PRMT2: variants seen among roughly 807,000 people sequenced by gnomAD.
PRMT2 encodes protein arginine methyltransferase 2, also known as protein arginine N-methyltransferase 2.
Under a neutral mutation model 57.6 loss-of-function variants are expected in PRMT2, and 26 were observed. The observed-to-expected ratio is 0.45, with a 90% confidence interval of 0.33 to 0.63. The LOEUF (loss-of-function observed/expected upper bound fraction) is 0.63, where lower values mean the gene tolerates loss of function less well. Ranked by LOEUF, PRMT2 falls within the 20% of genes least tolerant of loss-of-function variation. The probability of loss-of-function intolerance (pLI) is 0.02; values close to 1 mark genes in which losing one functional copy is unlikely to be tolerated. For synonymous variants in PRMT2, 219 were observed against 220.0 expected (o/e 1.00, Z 0.04); for missense variants, 472 against 564.4 (o/e 0.84, Z 1.66).
chr21:46,644,535 T>C (rs1359553497), intron 5 of PRMT2, 47 bp downstream of exon 5: 1 of 1,527,148 alleles, frequency 6.5e-7, no homozygotes, highest in South Asian at 1.3e-5. Context: ...CGGTGGGTTC[T>C]CTCTAGCTTT....
At chr21:46,653,986 A>C in intron 7 of PRMT2, 3 of 1,004,024 alleles carry the variant, frequency 3.0e-6, no homozygotes, top group Non-Finnish European at 3.6e-6. Context: ...ACGTCATAAA[A>C]AATGCAGCAT....
rs756452289 is a variant in PRMT2, at chr21:46,660,767, G to T, written c.831-66G>T. Reference sequence around the variant, plus strand: ...GGGAGAGCACTCACCGCGGTCCCACGTGTGTGTTTTGAAGCCTAAGATGTT... The same window carrying T: ...GGGAGAGCACTCACCGCGGTCCCACTTGTGTGTTTTGAAGCCTAAGATGTT... On this transcript the variant is annotated intron_variant, in intron 8 of 11. Transcript: ENST00000355680. 9.9e-5 allele frequency: 156 copies of T among 1,581,488 alleles called. 2 individuals carry two copies. The highest frequency in any genetic ancestry group is 8.4e-4 in the Middle Eastern group (5 of 5,956).
Position 46,664,458 on chromosome 21 carries a change from C to T in PRMT2, c.*131C>T, listed in dbSNP as rs1480591428. Reference sequence around the variant, plus strand: ...ACATTCACTCCACATTGACCCCTCCCTAGCCTGGCAGGTGACGTCAGGGTC... The same window carrying T: ...ACATTCACTCCACATTGACCCCTCCTTAGCCTGGCAGGTGACGTCAGGGTC... On this transcript the variant is annotated 3_prime_UTR_variant, in exon 12 of 12. Transcript: ENST00000355680. The T allele has an allele frequency of 1.7e-6, 2 of 1,212,048 alleles. No individual in the cohort carries two copies. The highest frequency in any genetic ancestry group is 4.8e-5 in the East Asian group (2 of 42,080). 75.1% of individuals were successfully genotyped at this position (1,212,048 alleles called of 1,614,324 possible). A position where few individuals can be genotyped will look rare whatever the true frequency, so the allele number is the denominator to read the frequency against.
In PRMT2 at chr21:46,648,554, C is replaced by T. The variant is rs1257174060; in HGVS notation, c.424C>T (p.Leu142=). The T allele has an allele frequency of 6.2e-7, 1 of 1,614,230 alleles. No individual in the cohort carries two copies. Among genetic ancestry groups the T allele is most frequent in the South Asian group, 1.1e-5 (1 of 91,092 alleles). Residue 142 remains leucine (L), a synonymous_variant, in exon 6 of 12, where the codon CTG becomes TTG. Transcript: ENST00000355680. The surrounding 1 kb of genome is among the most constrained non-coding windows in gnomAD (Gnocchi z 4.8). The part of the protein sequence containing the change: ...NKESLTDKVI[L]DVGCGTGIIS... ...AGAATCCCTGACGGATAAAGTCATC[C>T]TGGACGTGGGCTGTGGGACTGGGAT...
intron 7 of PRMT2, chr21:46,657,549 A>T (rs189280688): frequency 9.2e-5 from 14 of 152,328 alleles, no homozygotes; most frequent in Admixed American, 8.5e-4. Context: ...AGTGAAAGAA[A>T]CTTGTCTTGA....
intron 8 of PRMT2, 96 bp downstream of exon 8, chr21:46,659,016 T>G: frequency 6.7e-7 from 1 of 1,485,882 alleles, no homozygotes; most frequent in Non-Finnish European, 9.0e-7. Flanking sequence ...CATACGACGG[T>G]TGGATAAATG....
chr21:46,664,577 G>A lies in PRMT2; in HGVS notation c.*250G>A, dbSNP rs368231844. ...CTCTAGAAGTAGGCTGTGTTTCCAG[G>A]TGTTCACCCGTGGTGCCCACAGTGC... On this transcript the variant is annotated 3_prime_UTR_variant, in exon 12 of 12. Transcript: ENST00000355680. 1.7e-6 allele frequency: 1 copy of A among 580,378 alleles called. No individual in the cohort carries two copies. The highest frequency in any genetic ancestry group is 3.0e-5 in the Admixed American group (1 of 33,692). 36.0% of individuals were successfully genotyped at this position (580,378 alleles called of 1,614,324 possible).
At chr21:46,659,524 A>G (rs2061588996) in intron 8 of PRMT2, 1 of 965,274 alleles carries the variant, frequency 1.0e-6, no homozygotes, top group South Asian at 4.8e-5. Flanking sequence ...GCAAACCGCA[A>G]AAAATAAATA....
intron 3 of PRMT2, 96 bp from the exon 4 acceptor site, chr21:46,643,439 T>C: frequency 7.2e-7 from 1 of 1,384,498 alleles, no homozygotes; most frequent in South Asian, 2.0e-5. Flanking sequence ...CACATGAATC[T>C]GTATTTGAAA....
rs1396758320 is a variant in PRMT2, at chr21:46,648,716, G to A, written c.489+97G>A. Reference sequence around the variant, plus strand: ...TGCTGACTTGTGACCCTGAGCTGTTGGGGGCTCACCGGTGACTCCATGGTC... The same window carrying A: ...TGCTGACTTGTGACCCTGAGCTGTTAGGGGCTCACCGGTGACTCCATGGTC... On this transcript the variant is annotated intron_variant, in intron 6 of 11. Coordinates refer to ENST00000355680, the MANE Select transcript of PRMT2 (RefSeq NM_206962.4). The surrounding 1 kb of genome is among the most constrained non-coding windows in gnomAD (Gnocchi z 4.8). 6.8e-7 allele frequency: 1 copy of A among 1,471,428 alleles called. No homozygotes were observed. The highest frequency in any genetic ancestry group is 1.2e-5 in the South Asian group (1 of 80,714). 91.1% of individuals were successfully genotyped at this position (1,471,428 alleles called of 1,614,324 possible). A position where few individuals can be genotyped will look rare whatever the true frequency, so the allele number is the denominator to read the frequency against.
At chr21:46,643,112 G>C (rs2061305840) in intron 3 of PRMT2, among the ~76,000 whole-genome samples, 1 of 152,120 alleles carries the variant, frequency 6.6e-6, no homozygotes, top group African/African-American at 2.4e-5. Context: ...CTGCCTCGTG[G>C]AGGTTTGTGC....
chr21:46,648,363 G>T lies in PRMT2; in HGVS notation c.328-95G>T, dbSNP rs148848143. ...TCTTCCATAGGGGTGTTGGGGTCAG[G>T]GGTCATCAGCTGTGGCTCTGACCCT... On this transcript the variant is annotated intron_variant, in intron 5 of 11. Transcript: ENST00000355680. This position sits in a 1 kb window ranked among gnomAD's most constrained non-coding sequence, Gnocchi z 4.8. 7.7e-5 allele frequency: 106 copies of T among 1,375,810 alleles called. No homozygotes were observed. The African/African-American group carries it at 1.4e-3, about 18-fold the overall frequency. 85.2% of individuals were successfully genotyped at this position (1,375,810 alleles called of 1,614,324 possible). A position where few individuals can be genotyped will look rare whatever the true frequency, so the allele number is the denominator to read the frequency against.
At chr21:46,654,330 A>G (rs554981366) in intron 7 of PRMT2, among the ~76,000 whole-genome samples, 1 of 152,362 alleles carries the variant, frequency 6.6e-6, no homozygotes, top group African/African-American at 2.4e-5. Context: ...TAGTTTTTAA[A>G]AAAAGTACAG....
chr21:46,657,803 A>G (rs1316618323), intron 7 of PRMT2: 2 of 152,180 alleles, frequency 1.3e-5, no homozygotes, highest in Non-Finnish European at 2.9e-5. Context: ...TCACTACATA[A>G]CTGAAAAAAT....
chr21:46,657,390 A>AG (rs398036508), intron 7 of PRMT2: 1 of 131,574 alleles, frequency 7.6e-6, no homozygotes, highest in Non-Finnish European at 1.8e-5. Flanking sequence ...AAAAAAAAAA[A>AG]CAAAACCTGG....
intron 7 of PRMT2, chr21:46,652,152 T>G: frequency 6.9e-7 from 1 of 1,440,540 alleles, no homozygotes; most frequent in Non-Finnish European, 9.1e-7. Flanking sequence ...GAGGCCCTTC[T>G]TCACACCATC....
intron 3 of PRMT2, chr21:46,643,239 A>G (rs8133217): frequency 0.022 from 5,510 of 247,344 alleles, 288 homozygotes; most frequent in African/African-American, 0.12. Flanking sequence ...TCAGGAAGCA[A>G]AGCTGATGAA....
At position 46,644,162 on chromosome 21, in the gene PRMT2, A is replaced by G. The variant is rs73907580; in HGVS notation, c.145-144A>G. 1.0e-2 allele frequency: 7,720 copies of G among 775,842 alleles called. 393 individuals are homozygous for G. The African/African-American group carries it at 0.12, about 12-fold the overall frequency. 48.1% of individuals were successfully genotyped at this position (775,842 alleles called of 1,614,324 possible). ...TCGCTAAGTCATGGTGTCACTTGCAAACATTCTCAGTTGCTGTCATTACCC... is the reference window on the plus strand; with the variant it reads ...TCGCTAAGTCATGGTGTCACTTGCAGACATTCTCAGTTGCTGTCATTACCC... On this transcript the variant is annotated intron_variant, in intron 4 of 11. Coordinates refer to ENST00000355680, the MANE Select transcript of PRMT2 (RefSeq NM_206962.4).
chr21:46,642,417 G>T (rs1303089190), intron 3 of PRMT2, among the ~76,000 whole-genome samples: 1 of 152,176 alleles, frequency 6.6e-6, no homozygotes, highest in East Asian at 1.9e-4. Flanking sequence ...TAGGCCACAG[G>T]CTTATTGTGT....
Sources: gnomAD v4.1 joint callset for allele counts (sites outside exome capture counted in the v4.1 genomes callset) on GRCh38, gnomAD v4.1.1 for gene constraint, Gnocchi (gnomAD v3.1) non-coding constraint, MANE v1.5 for transcripts, NCBI Gene and HGNC (gene_info 2026-07-23, HGNC 2026-07-21) for gene names.